The following DOCK2 variants were observed in gnomAD, a reference collection of about 807,000 sequenced individuals.
DOCK2 encodes the protein dedicator of cytokinesis 2, also known as dedicator of cytokinesis protein 2.
DOCK2 carries 87 observed loss-of-function variants against 248.9 expected under a neutral mutation model. The observed-to-expected ratio is 0.35, with a 90% confidence interval of 0.29 to 0.42. The LOEUF is 0.42. Ranked by LOEUF, DOCK2 falls within the 10% of genes least tolerant of loss-of-function variation. The pLI, the probability that DOCK2 is intolerant of heterozygous loss-of-function variation, is 1.00. For missense variants in DOCK2, 1,747 were observed against 2,300.2 expected, an observed-to-expected ratio of 0.76 and a Z score of 4.92; for synonymous variants, 805 against 821.6, an observed-to-expected ratio of 0.98 and a Z score of 0.35.
chr5:170,045,432 G>T (rs765739800), intron 38 of DOCK2, among the ~76,000 whole-genome samples: 15 of 152,174 alleles, frequency 9.9e-5, no homozygotes, highest in Non-Finnish European at 1.3e-4. Flanking sequence ...ACACACGGGG[G>T]CTTGCATCCT....
At position 169,983,064 on chromosome 5, in the gene DOCK2, G is replaced by A; in HGVS notation, c.2800-4G>A. On this transcript the variant is annotated splice_polypyrimidine_tract_variant and splice_region_variant and intron_variant, in intron 27 of 51. Transcript: ENST00000520908. ...TTTATAGTATTTGTCTTCATTTCTT[G>A]CAGAGTCACTTTGTGGCATGTATGA... 1 of 1,613,888 alleles carries A rather than the reference G, an allele frequency of 6.2e-7. No individual in the cohort carries two copies. The highest frequency in any genetic ancestry group is 8.5e-7 in the Non-Finnish European group (1 of 1,179,838).
At chr5:169,721,231 T>C (rs1159760256) in intron 22 of DOCK2, among the ~76,000 whole-genome samples, 2 of 152,226 alleles carry the variant, frequency 1.3e-5, no homozygotes, top group Non-Finnish European at 2.9e-5. Context: ...TGATCTGTTA[T>C]TCCTTGCTGT....
At chr5:169,637,527 G>A (rs928703002) in intron 1 of DOCK2, among the ~76,000 whole-genome samples, 158 bp downstream of exon 1, 1 of 152,144 alleles carries the variant, frequency 6.6e-6, no homozygotes, top group South Asian at 2.1e-4. Flanking sequence ...CGGGAAAGCC[G>A]AGGCTCGGGG....
intron 22 of DOCK2, among the ~76,000 whole-genome samples, chr5:169,728,562 A>C (rs1043992614): frequency 2.6e-5 from 4 of 152,144 alleles, no homozygotes; most frequent in Non-Finnish European, 4.4e-5. Context: ...CAGGGAGATC[A>C]TGGGACTGGA....
At chr5:169,854,860 A>G (rs1770806464) in intron 27 of DOCK2, among the ~76,000 whole-genome samples, 1 of 152,248 alleles carries the variant, frequency 6.6e-6, no homozygotes. Context: ...GACAAAAGAA[A>G]TGTCAATATA....
Position 170,018,885 on chromosome 5 carries a change from TCCCCA to T in DOCK2, c.3233-74_3233-70del. ...ACTATTATGCTTCCCTTTTTTTCTT[TCCCCA>T]GGCTTGGTCGGAGGAGGACCTGTGC... On this transcript the variant is annotated intron_variant, in intron 32 of 51. Coordinates refer to ENST00000520908, the MANE Select transcript of DOCK2 (RefSeq NM_004946.3). The T allele has an allele frequency of 5.9e-6, 9 of 1,537,406 alleles. No individual in the cohort carries two copies. The Admixed American group carries it at 1.1e-4, about 18-fold the overall frequency.
chr5:169,725,871 G>A lies in DOCK2; in HGVS notation c.2267+7080G>A, dbSNP rs200966312. On this transcript the variant is annotated intron_variant, in intron 22 of 51. Transcript: ENST00000520908. ...TTATGGCTGCATAGTATTCCATGGT[G>A]TATATGTGCCACATTTTTAAATCCA... 3.1e-4 allele frequency among the ~76,000 whole-genome samples: 47 copies of A among 152,264 alleles called. No homozygotes were observed. In the East Asian group the frequency reaches 3.5e-3, roughly 11 times the overall value.
intron 10 of DOCK2, among the ~76,000 whole-genome samples, chr5:169,697,624 C>T (rs527302249): frequency 6.6e-6 from 1 of 152,224 alleles, no homozygotes; most frequent in Admixed American, 6.5e-5. Context: ...GGTTTCTCCT[C>T]CTGTCTGCTC....
intron 15 of DOCK2, among the ~76,000 whole-genome samples, chr5:169,710,957 C>T (rs1434302292): frequency 1.3e-5 from 2 of 152,156 alleles, no homozygotes; most frequent in Non-Finnish European, 2.9e-5. Flanking sequence ...AGGACTCTGC[C>T]TTGTATCAGC....
chr5:170,063,326 G>C (rs1034125974), intron 44 of DOCK2, among the ~76,000 whole-genome samples: 1 of 152,160 alleles, frequency 6.6e-6, no homozygotes, highest in African/African-American at 2.4e-5. Context: ...TTAGCTCTGG[G>C]AACAGAAGGG....
intron 27 of DOCK2, chr5:169,882,669 G>C: frequency 1.3e-6 from 2 of 1,552,048 alleles, no homozygotes; most frequent in Non-Finnish European, 1.7e-6. Flanking sequence ...CTTGGAGGTC[G>C]CAGAGTTCAC....
At chr5:169,751,844 TTTTA>T (rs761943345) in intron 23 of DOCK2, among the ~76,000 whole-genome samples, 2 of 152,162 alleles carry the variant, frequency 1.3e-5, no homozygotes, top group African/African-American at 2.4e-5. Context: ...ATATACAGTG[TTTTA>T]AATCCCACCA....
intron 23 of DOCK2, among the ~76,000 whole-genome samples, chr5:169,751,936 A>G (rs1763915307): frequency 6.6e-6 from 1 of 152,144 alleles, no homozygotes; most frequent in Admixed American, 6.5e-5. Flanking sequence ...AATTACATGT[A>G]TTCATAGTGC....
chr5:169,934,062 G>A (rs1204548187), intron 27 of DOCK2, among the ~76,000 whole-genome samples: 1 of 152,186 alleles, frequency 6.6e-6, no homozygotes, highest in African/African-American at 2.4e-5. Context: ...ACTGCTCATT[G>A]ATCAGTGGTC....
chr5:169,840,318 G>A (rs1420745363), intron 26 of DOCK2, among the ~76,000 whole-genome samples: 1 of 152,190 alleles, frequency 6.6e-6, no homozygotes, highest in Admixed American at 6.5e-5. Flanking sequence ...GTTAAACCAT[G>A]AGAATCCACT....
chr5:169,888,846 G>C (rs1773124372), intron 27 of DOCK2, among the ~76,000 whole-genome samples: 1 of 152,176 alleles, frequency 6.6e-6, no homozygotes, highest in South Asian at 2.1e-4. Context: ...ATTTGTCTTT[G>C]TCCCTCCTCT....
chr5:169,737,027 G>C (rs1039721129), intron 22 of DOCK2, among the ~76,000 whole-genome samples: 7 of 152,160 alleles, frequency 4.6e-5, no homozygotes, highest in African/African-American at 1.4e-4. Context: ...ACATGAAGCA[G>C]ATAATCATGT....
At chr5:169,882,709 C>T in intron 27 of DOCK2, 1 of 1,552,038 alleles carries the variant, frequency 6.4e-7, no homozygotes, top group Non-Finnish European at 8.7e-7. Flanking sequence ...ATTAATGTCA[C>T]TAATCTCCCT....
chr5:169,889,197 A>T (rs1773146683), intron 27 of DOCK2, among the ~76,000 whole-genome samples: 1 of 152,242 alleles, frequency 6.6e-6, no homozygotes, highest in East Asian at 1.9e-4. Context: ...AGTTGCATGG[A>T]ATAAATATTT....
Sources: allele counts gnomAD v4.1 joint callset (sites outside exome capture counted in the v4.1 genomes callset), GRCh38; gene constraint gnomAD v4.1.1; transcripts MANE v1.5; gene names NCBI Gene and HGNC (gene_info 2026-07-23, HGNC 2026-07-21).